TOPAZ1: variants seen among roughly 807,000 people sequenced by gnomAD.
TOPAZ1 encodes the protein testis and ovary specific TOPAZ 1, also known as protein TOPAZ1.
In TOPAZ1, 66 loss-of-function variants were observed where a neutral mutation model predicts 172.2. The observed-to-expected ratio is 0.38, with a 90% CI of 0.31 to 0.47. TOPAZ1 has a LOEUF of 0.47. TOPAZ1 is among the 20% of genes least tolerant of loss of function. The pLI, the probability that TOPAZ1 is intolerant of heterozygous loss-of-function variation, is 0.99. For missense variants in TOPAZ1, 1,822 were observed against 1,972.4 expected, an observed-to-expected ratio of 0.92 and a Z score of 1.44; for synonymous variants, 681 against 683.9, an observed-to-expected ratio of 1.00 and a Z score of 0.07.
At chr3:44,265,597 G>A (rs1158059416) in intron 5 of TOPAZ1, among the ~76,000 whole-genome samples, 1 of 152,110 alleles carries the variant, frequency 6.6e-6, no homozygotes, top group African/African-American at 2.4e-5. Context: ...TCTTCTCCTT[G>A]AGCATGTCCA....
chr3:44,322,202 C>A (rs192734780), intron 17 of TOPAZ1, among the ~76,000 whole-genome samples: 2 of 152,156 alleles, frequency 1.3e-5, no homozygotes, highest in Non-Finnish European at 2.9e-5. Context: ...GCTCACAGAC[C>A]CAACTGACTG....
intron 4 of TOPAZ1, among the ~76,000 whole-genome samples, chr3:44,259,036 T>A (rs182244193): frequency 1.3e-5 from 2 of 152,304 alleles, no homozygotes; most frequent in East Asian, 3.9e-4. Flanking sequence ...TAAGTAGATT[T>A]GGGGGATTTA....
At chr3:44,260,898 C>T (rs933847040) in intron 4 of TOPAZ1, among the ~76,000 whole-genome samples, 1 of 152,080 alleles carries the variant, frequency 6.6e-6, no homozygotes, top group Non-Finnish European at 1.5e-5. Context: ...AGTTGTTCTA[C>T]CATTTATTGA....
At chr3:44,276,624 CTTTTTTTTTTTTT>C (rs762865769) in intron 8 of TOPAZ1, among the ~76,000 whole-genome samples, 7 of 24,124 alleles carry the variant, frequency 2.9e-4, no homozygotes, top group South Asian at 1.0e-3. Context: ...CAGCTTTGTT[CTTTTTTTTTTTTT>C]TTTTTTTTTT....
In TOPAZ1 at chr3:44,244,492, A is replaced by G. The variant is rs1193841036; in HGVS notation, c.1986A>G (p.Lys662=). 8 of 1,551,718 alleles carry G rather than the reference A, an allele frequency of 5.2e-6. No homozygotes were observed. Among genetic ancestry groups the G allele is most frequent in the Admixed American group, 2.0e-5 (1 of 51,018 alleles). The change falls in exon 2 of 20, where the codon AAA becomes AAG. Residue 662 remains lysine, a synonymous_variant. Transcript: ENST00000309765. ...NNSAGKTIHR[K]ACIAQQTFIV... Reference sequence around the variant, plus strand: ...CTGCAGGCAAAACTATTCATCGAAAAGCATGCATTGCTCAACAAACATTTA... The same window carrying G: ...CTGCAGGCAAAACTATTCATCGAAAGGCATGCATTGCTCAACAAACATTTA...
At chr3:44,278,915 G>A (rs1218963574) in intron 8 of TOPAZ1, among the ~76,000 whole-genome samples, 1 of 150,816 alleles carries the variant, frequency 6.6e-6, no homozygotes, top group Non-Finnish European at 1.5e-5. Context: ...TTCTTGAGAT[G>A]CATTGTTAGA....
chr3:44,248,022 G>A (rs1346844494), intron 2 of TOPAZ1, among the ~76,000 whole-genome samples: 2 of 152,160 alleles, frequency 1.3e-5, no homozygotes, highest in Admixed American at 6.6e-5. Context: ...AAGAGTTCAC[G>A]ATTACTGTGT....
intron 8 of TOPAZ1, among the ~76,000 whole-genome samples, chr3:44,274,575 T>A (rs1466201844): frequency 6.6e-6 from 1 of 151,578 alleles, no homozygotes; most frequent in African/African-American, 2.4e-5. Context: ...TTTTTTTTTT[T>A]TGAGATGGAT....
At position 44,242,148 on chromosome 3, in the gene TOPAZ1, C is replaced by T. The variant is rs994890253; in HGVS notation, c.95C>T (p.Ala32Val). Residue 32 changes from alanine (A) to valine (V), a missense_variant, in exon 1 of 20, where the codon GCG (alanine) becomes GTG (valine). By Grantham distance (64) the Ala-to-Val change is moderately conservative. Around this residue, in one of 2 missense-constraint regions of TOPAZ1, gnomAD observed 1,489 missense variants for 1,490.8 expected, o/e 1.00. Transcript: ENST00000309765. ...AAGCGGCAGGCGCCAGGGCCAGGCG[C>T]GGCGGGAGGCTGTGGCCCTGAGGCC... Reference protein sequence around the residue: ...LQKRQAPGPGAAGGCGPEAGG... With the variant: ...LQKRQAPGPGVAGGCGPEAGG... 1.6e-5 allele frequency: 24 copies of T among 1,548,022 alleles called. No individual in the cohort carries two copies. Among genetic ancestry groups the T allele is most frequent in the Non-Finnish European group, 1.9e-5 (22 of 1,146,140 alleles).
intron 18 of TOPAZ1, 63 bp from the exon 19 acceptor site, chr3:44,328,187 C>T (rs911901309): frequency 9.2e-7 from 1 of 1,086,188 alleles, no homozygotes; most frequent in Non-Finnish European, 1.3e-6. Context: ...GTAGGTATTT[C>T]AGAAATCTAG....
chr3:44,278,262 G>A (rs1699985583), intron 8 of TOPAZ1, among the ~76,000 whole-genome samples: 1 of 152,008 alleles, frequency 6.6e-6, no homozygotes, highest in Non-Finnish European at 1.5e-5. Context: ...TTTATGTGCT[G>A]CTAGATTCGG....
intron 6 of TOPAZ1, 127 bp downstream of exon 6, chr3:44,267,263 G>C: frequency 1.7e-6 from 1 of 593,454 alleles, no homozygotes; most frequent in Non-Finnish European, 2.6e-6. Flanking sequence ...GTTAAAATTA[G>C]AAGGTTTGTG....
chr3:44,245,904 CTT>C (rs1254432933), intron 2 of TOPAZ1, among the ~76,000 whole-genome samples: 5 of 152,142 alleles, frequency 3.3e-5, no homozygotes, highest in Non-Finnish European at 7.4e-5. Flanking sequence ...TTCAAATGTT[CTT>C]TAATTATTAT....
chr3:44,276,456 G>T (rs892933974), intron 8 of TOPAZ1, among the ~76,000 whole-genome samples: 2 of 151,754 alleles, frequency 1.3e-5, no homozygotes, highest in African/African-American at 4.8e-5. Context: ...TGTTCTTGGC[G>T]CCTTTGTCAA....
chr3:44,258,187 A>G (rs1165769463), intron 4 of TOPAZ1, among the ~76,000 whole-genome samples: 2 of 152,352 alleles, frequency 1.3e-5, no homozygotes, highest in Admixed American at 6.5e-5. Flanking sequence ...ATTTAGTGCT[A>G]TAAATGTATC....
At position 44,244,794 on chromosome 3, in the gene TOPAZ1, A is replaced by G. The variant is rs370707986; in HGVS notation, c.2288A>G (p.Asn763Ser). Residue 763 changes from asparagine to serine, a missense_variant, in exon 2 of 20, where the codon AAT (asparagine) becomes AGT (serine). Asn to Ser is a conservative substitution (Grantham distance 46, BLOSUM62 1). Around this residue, in one of 2 missense-constraint regions of TOPAZ1, gnomAD observed 1,489 missense variants for 1,490.8 expected, o/e 1.00. Transcript: ENST00000309765. ...PVQASSDSFYNKKSYSISPSF... is the reference protein window; with the variant it reads ...PVQASSDSFYSKKSYSISPSF... ...CAAGCTAGTTCTGACTCATTCTACAATAAGAAATCCTATAGTATTTCTCCA... is the reference window on the plus strand; with the variant it reads ...CAAGCTAGTTCTGACTCATTCTACAGTAAGAAATCCTATAGTATTTCTCCA... 18 of 1,551,632 alleles carry G rather than the reference A, an allele frequency of 1.2e-5. No homozygotes were observed. The highest frequency in any genetic ancestry group is 5.5e-5 in the African/African-American group (4 of 73,172).
At chr3:44,331,186 G>A (rs539985904) in intron 19 of TOPAZ1, among the ~76,000 whole-genome samples, 1 of 152,154 alleles carries the variant, frequency 6.6e-6, no homozygotes, top group South Asian at 2.1e-4. Context: ...TTTCAAACTG[G>A]GTTGCAGACT....
At chr3:44,245,946 A>T (rs560423110) in intron 2 of TOPAZ1, among the ~76,000 whole-genome samples, 2 of 152,358 alleles carry the variant, frequency 1.3e-5, no homozygotes, top group South Asian at 4.1e-4. Flanking sequence ...TACTTCAGCC[A>T]GGTTACTTAT....
At chr3:44,282,109 T>G (rs1700029644) in intron 9 of TOPAZ1, 78 bp downstream of exon 9, 3 of 1,027,424 alleles carry the variant, frequency 2.9e-6, no homozygotes, top group Non-Finnish European at 4.3e-6. Flanking sequence ...TTCAATAATT[T>G]GTAAGTTTGA....
Sources: allele counts gnomAD v4.1 joint callset (sites outside exome capture counted in the v4.1 genomes callset), GRCh38; gene constraint gnomAD v4.1.1; regional missense constraint gnomAD v4.1.1; transcripts MANE v1.5; gene names NCBI Gene and HGNC (gene_info 2026-07-23, HGNC 2026-07-21).